The following LIG1 variants were observed in gnomAD, a reference collection of about 807,000 sequenced individuals.
LIG1 encodes the protein DNA ligase 1.
In LIG1, 70 loss-of-function variants were observed where a neutral mutation model predicts 115.7. That is an observed-to-expected ratio of 0.60 (90% CI 0.50 to 0.74). The LOEUF (loss-of-function observed/expected upper bound fraction) is 0.74, where lower values mean the gene tolerates loss of function less well. Among genes scored for constraint, LIG1 ranks in the 30% least tolerant of loss-of-function variants. The pLI is 0.00. For missense variants in LIG1, 1,115 were observed against 1,225.6 expected (o/e 0.91, Z 1.35); for synonymous variants, 487 against 495.3 (o/e 0.98, Z 0.22).
chr19:48,166,412 G>C (rs2036484857), intron 1 of LIG1, among the ~76,000 whole-genome samples: 1 of 151,952 alleles, frequency 6.6e-6, no homozygotes, highest in South Asian at 2.1e-4. Flanking sequence ...AAAAACAAAA[G>C]AAAGACTATA....
At chr19:48,149,659 C>T (rs1180205898) in intron 9 of LIG1, 104 bp downstream of exon 9, 5 of 888,158 alleles carry the variant, frequency 5.6e-6, no homozygotes, top group Non-Finnish European at 7.4e-6. Context: ...AAAGGTTTGC[C>T]AAGTCCTGCA....
rs1457756734 is a variant in LIG1 at position 48,156,998 on chromosome 19, G to A, written c.370+16C>T. Reference sequence around the variant, plus strand: ...AAGGCAGGCGACTGAAGGGGCAGGGGCCCGTGTGTTCTCACCTGTGCGACG... The same window carrying A: ...AAGGCAGGCGACTGAAGGGGCAGGGACCCGTGTGTTCTCACCTGTGCGACG... On this transcript the variant is annotated intron_variant, in intron 5 of 27. Transcript: ENST00000263274. The A allele has an allele frequency of 1.9e-6, 3 of 1,548,218 alleles. No homozygotes were observed. Among genetic ancestry groups the A allele is most frequent in the Non-Finnish European group, 2.7e-6 (3 of 1,127,534 alleles).
chr19:48,167,720 GGAGGCT>G (rs1302567732), intron 1 of LIG1, among the ~76,000 whole-genome samples: 1 of 151,738 alleles, frequency 6.6e-6, no homozygotes, highest in East Asian at 1.9e-4. Flanking sequence ...CAACTACTCA[GGAGGCT>G]GAGGCAGGAG....
chr19:48,137,841 A>G lies in LIG1; in HGVS notation c.1088-153T>C, dbSNP rs536738768. 1.3e-3 allele frequency: 1,271 copies of G among 985,312 alleles called. 3 individuals carry two copies. Among genetic ancestry groups the G allele is most frequent in the Non-Finnish European group, 1.8e-3 (1,175 of 660,998 alleles). 61.0% of individuals were successfully genotyped at this position (985,312 alleles called of 1,614,324 possible). On this transcript the variant is annotated intron_variant, in intron 12 of 27. Transcript: ENST00000263274. This position sits in a 1 kb window ranked among gnomAD's most constrained non-coding sequence, Gnocchi z 4.3. The stretch of plus-strand genomic sequence containing the variant: ...GTCTAACGCTCACCCACTTGGTAGA[A>G]ATGGCTTGGGGAACGTGCCCCCAGC...
rs143414388 is a variant in LIG1 at position 48,157,605 on chromosome 19, C to T, written c.244-465G>A. Among the ~76,000 whole-genome samples the T allele has an allele frequency of 1.7e-3, 260 of 152,180 alleles. 1 individual carries two copies. Among genetic ancestry groups the T allele is most frequent in the African/African-American group, 5.5e-3 (229 of 41,534 alleles). ...TGTCGCCCAGGCTGGAGTGCAGTGGCGCGATCTCGGCTCACTGCAACCTCT... is the reference window on the plus strand; with the variant it reads ...TGTCGCCCAGGCTGGAGTGCAGTGGTGCGATCTCGGCTCACTGCAACCTCT... On this transcript the variant is annotated intron_variant, in intron 4 of 27. Coordinates refer to ENST00000263274, the MANE Select transcript of LIG1 (RefSeq NM_000234.3).
In LIG1 at chr19:48,135,776, A is replaced by G. The variant is rs756422323; in HGVS notation, c.1427T>C (p.Phe476Ser). 2 of 1,613,386 alleles carry G rather than the reference A, an allele frequency of 1.2e-6. No homozygotes were observed. The highest frequency in any genetic ancestry group is 2.2e-5 in the South Asian group (2 of 91,074). Reference protein sequence around the residue: ...AVSLTPPGQEFPPAMVDAGKG... With the variant: ...AVSLTPPGQESPPAMVDAGKG... ...CCCAGCATCCACCATGGCTGGTGGG[A>G]ATTCTAAGAAAAGACCCACCAGAGG... is the stretch of plus-strand genomic sequence containing the variant. Residue 476 changes from phenylalanine (F) to serine (S), a missense_variant, in exon 16 of 28, where the codon TTC becomes TCC. Phe to Ser is a radical substitution (Grantham distance 155). Transcript: ENST00000263274.
chr19:48,150,872 AT>A (rs929787469), intron 7 of LIG1, among the ~76,000 whole-genome samples: 6 of 150,588 alleles, frequency 4.0e-5, no homozygotes, highest in Non-Finnish European at 8.9e-5. Context: ...TCATTTTTGT[AT>A]TTTTTTTGGT....
chr19:48,143,543 C>G lies in LIG1; in HGVS notation c.914G>C (p.Arg305Pro). The G allele has an allele frequency of 2.2e-6, 3 of 1,334,716 alleles. No individual in the cohort carries two copies. Among genetic ancestry groups the G allele is most frequent in the African/African-American group, 1.6e-5 (1 of 63,570 alleles). The allele number at this position is 1,334,716 out of a possible 1,614,324, so 82.7% of individuals were successfully genotyped here. Residue 305 changes from arginine to proline, a missense_variant and splice_region_variant, in exon 11 of 28, where the codon CGG (arginine) becomes CCG (proline). Physicochemically the swap from Arg to Pro is moderately radical, Grantham distance 103. Coordinates refer to ENST00000263274, the MANE Select transcript of LIG1 (RefSeq NM_000234.3). ...CACCCAGGCAGTCCTCATTAGTTAC[C>G]GAGCAGACACCTCCTCGATCTTCTC... is the stretch of plus-strand genomic sequence containing the variant. The part of the protein sequence containing the change: ...TFEKIEEVSA[R>P]LRMVETLSNL...
intron 14 of LIG1, among the ~76,000 whole-genome samples, 155 bp downstream of exon 14, chr19:48,136,853 C>T (rs1311212558): frequency 2.0e-5 from 3 of 152,208 alleles, no homozygotes; most frequent in Admixed American, 6.5e-5. Flanking sequence ...GAAATGGTGT[C>T]CCTTCCCACT....
chr19:48,158,216 A>T (rs182436032), intron 4 of LIG1, among the ~76,000 whole-genome samples: 28 of 152,340 alleles, frequency 1.8e-4, no homozygotes, highest in African/African-American at 6.5e-4. Flanking sequence ...GTATTCCTTT[A>T]TAGCAATGCA....
intron 15 of LIG1, 29 bp downstream of exon 15, chr19:48,136,005 G>A (rs1410213030): frequency 4.6e-6 from 7 of 1,520,370 alleles, no homozygotes; most frequent in Non-Finnish European, 6.2e-6. Context: ...CTCCAGCGAG[G>A]GATGCAGAGA....
intron 24 of LIG1, among the ~76,000 whole-genome samples, chr19:48,119,578 A>T (rs1384232609): frequency 9.2e-6 from 1 of 109,134 alleles, no homozygotes; most frequent in Non-Finnish European, 1.7e-5. Flanking sequence ...TAGCTCTGTT[A>T]TCCAGGCTGG....
intron 21 of LIG1, among the ~76,000 whole-genome samples, chr19:48,123,947 A>T (rs1157466850): frequency 6.6e-6 from 1 of 152,236 alleles, no homozygotes; most frequent in Non-Finnish European, 1.5e-5. Flanking sequence ...TTTGCTTTGA[A>T]ATCAGTTCCA....
chr19:48,142,020 G>A (rs567586899), intron 11 of LIG1, among the ~76,000 whole-genome samples: 44 of 152,308 alleles, frequency 2.9e-4, no homozygotes, highest in African/African-American at 1.0e-3. Flanking sequence ...TACAGAAGAG[G>A]GCCGGGTGTG....
At position 48,147,777 on chromosome 19, in the gene LIG1, T is replaced by C. The variant is rs138816956; in HGVS notation, c.776+1986A>G. Among the ~76,000 whole-genome samples the C allele has an allele frequency of 4.5e-3, 679 of 152,332 alleles. 4 individuals carry two copies. The highest frequency in any genetic ancestry group is 0.015 in the African/African-American group (630 of 41,572). ...CCAGTAGCTAACACGTAATCAGTCC[T>C]TTGTAAATACTTACTGAGTAAATAA... is the stretch of plus-strand genomic sequence containing the variant. On this transcript the variant is annotated intron_variant, in intron 9 of 27. Transcript: ENST00000263274.
In LIG1 at chr19:48,153,964, C is replaced by A; in HGVS notation, c.374G>T (p.Arg125Leu). The A allele has an allele frequency of 6.2e-7, 1 of 1,613,780 alleles. No homozygotes were observed. The highest frequency in any genetic ancestry group is 8.5e-7 in the Non-Finnish European group (1 of 1,179,862). ...PSGIPKRRTA[R>L]KQLPKRTIQE... ...AATGGTCCGTTTCGGGAGCTGCTTC[C>A]GAGCTGGGGAGGCAAAGGGCTTGGT... is the stretch of plus-strand genomic sequence containing the variant. Residue 125 changes from arginine (R) to leucine (L), a missense_variant, in exon 6 of 28, where the codon CGG (arginine) becomes CTG (leucine). Transcript: ENST00000263274.
rs375229583 is a variant in LIG1, at chr19:48,136,073, C to A, written c.1384G>T (p.Ala462Ser). The change falls in exon 15 of 28, where the codon GCC (alanine) becomes TCC (serine). Residue 462 changes from alanine to serine, a missense_variant. By Grantham distance (99) the Ala-to-Ser change is moderately conservative. Transcript: ENST00000263274. Reference protein sequence around the residue: ...LGLAEQSVLAALSQAVSLTPP... With the variant: ...LGLAEQSVLASLSQAVSLTPP... The stretch of plus-strand genomic sequence containing the variant: ...GTGAGGCTCACTGCCTGGGAGAGGG[C>A]AGCCAGCACCGACTGCTCTGCCAGC... 3.2e-6 allele frequency: 5 copies of A among 1,572,404 alleles called. No individual in the cohort carries two copies. The highest frequency in any genetic ancestry group is 4.3e-6 in the Non-Finnish European group (5 of 1,159,506).
chr19:48,118,001 A>G, intron 25 of LIG1: 1 of 585,304 alleles, frequency 1.7e-6, no homozygotes, highest in Non-Finnish European at 3.0e-6. Context: ...AAGAAACAAG[A>G]CCCCCTTGAA....
Position 48,165,591 on chromosome 19 carries a change from T to C in LIG1, c.-25A>G. On this transcript the variant is annotated 5_prime_UTR_variant, in exon 2 of 28. Coordinates refer to ENST00000263274, the MANE Select transcript of LIG1 (RefSeq NM_000234.3). Reference sequence around the variant, plus strand: ...TGTTGGCGTCAGAATTCTCCCTTCCTGTCCAGCACTTTTCTTCGTCTGTCA... The same window carrying C: ...TGTTGGCGTCAGAATTCTCCCTTCCCGTCCAGCACTTTTCTTCGTCTGTCA... The C allele has an allele frequency of 2.5e-6, 4 of 1,614,108 alleles. No homozygotes were observed. Among genetic ancestry groups the C allele is most frequent in the Non-Finnish European group, 3.4e-6 (4 of 1,179,990 alleles).
Sources: gnomAD v4.1 joint callset for allele counts (sites outside exome capture counted in the v4.1 genomes callset) on GRCh38, gnomAD v4.1.1 for gene constraint, Gnocchi (gnomAD v3.1) non-coding constraint, MANE v1.5 for transcripts, NCBI Gene and HGNC (gene_info 2026-07-23, HGNC 2026-07-21) for gene names.